Variants in GATAD1 observed in about 807,000 individuals in gnomAD.
The protein encoded by GATAD1 is GATA zinc finger domain containing 1, also known as GATA zinc finger domain-containing protein 1.
A neutral mutation model predicts 26.5 loss-of-function variants in GATAD1; 12 were observed. That is an observed-to-expected ratio of 0.45 (90% CI 0.29 to 0.73). The LOEUF (loss-of-function observed/expected upper bound fraction) is 0.73. Among genes scored for constraint, GATAD1 ranks in the 30% least tolerant of loss-of-function variants. The probability of loss-of-function intolerance (pLI) is 0.10; values close to 1 mark genes in which losing one functional copy is unlikely to be tolerated. For missense variants in GATAD1, 266 were observed against 342.1 expected, an observed-to-expected ratio of 0.78 and a Z score of 1.75; for synonymous variants, 129 against 133.1, an observed-to-expected ratio of 0.97 and a Z score of 0.21.
chr7:92,494,756 A>T, the GATAD1 span: 8 of 505,344 alleles, frequency 1.6e-5, no homozygotes, highest in South Asian at 3.4e-4. Flanking sequence ...TTTAATTTTT[A>T]CAACAAACCC....
At position 92,447,616 on chromosome 7, in the gene GATAD1, C is replaced by T; in HGVS notation, c.-114C>T. On this transcript the variant is annotated 5_prime_UTR_variant, in exon 1 of 5. It adds an upstream start codon to the 5' untranslated region. Transcript: ENST00000287957. ...CCTTTCACCGGCAGCTCCGTGCCGA[C>T]GCTCTCACCGCTCTTCCTATCGCCG... 1.6e-6 allele frequency: 2 copies of T among 1,285,852 alleles called. No individual in the cohort carries two copies. Among genetic ancestry groups the T allele is most frequent in the East Asian group, 3.3e-5 (1 of 30,026 alleles). 79.7% of individuals were successfully genotyped at this position (1,285,852 alleles called of 1,614,324 possible).
chr7:92,464,070 G>T (rs1790019917), downstream of GATAD1, among the ~76,000 whole-genome samples: 1 of 152,206 alleles, frequency 6.6e-6, no homozygotes, highest in South Asian at 2.1e-4. Flanking sequence ...ATAACCAGTT[G>T]TAAATAGAGA....
chr7:92,467,742 A>G, the GATAD1 span, among the ~76,000 whole-genome samples: 12 of 152,220 alleles, frequency 7.9e-5, no homozygotes, highest in Non-Finnish European at 1.3e-4. Context: ...GAAGACTTTG[A>G]AAAGTATTAA....
chr7:92,467,760 A>G, the GATAD1 span, among the ~76,000 whole-genome samples: 2 of 152,228 alleles, frequency 1.3e-5, no homozygotes, highest in African/African-American at 4.8e-5. Flanking sequence ...TAATAGGATG[A>G]TGTCATCTGG....
chr7:92,454,463 T>G, intron 3 of GATAD1, 39 bp from the exon 4 acceptor site: 1 of 1,494,454 alleles, frequency 6.7e-7, no homozygotes, highest in Non-Finnish European at 9.3e-7. Flanking sequence ...GATGTTCTAT[T>G]TTTATTTTCA....
At chr7:92,484,015 C>G in the GATAD1 span, among the ~76,000 whole-genome samples, 5 of 152,210 alleles carry the variant, frequency 3.3e-5, no homozygotes, top group South Asian at 1.0e-3. Flanking sequence ...GGAGCAGAGA[C>G]TAGGGAGGGA....
At chr7:92,449,623 A>G (rs954734031) in intron 2 of GATAD1, 24 of 981,530 alleles carry the variant, frequency 2.4e-5, no homozygotes, top group Admixed American at 1.2e-4. Context: ...ATTTATTTCT[A>G]AAACACAAAG....
the GATAD1 span, chr7:92,490,015 T>C: frequency 1.6e-5 from 14 of 887,000 alleles, no homozygotes; most frequent in Non-Finnish European, 2.4e-5. Context: ...AATAAAACAT[T>C]AACATAGATA....
chr7:92,491,562 A>C, the GATAD1 span: 1 of 984,710 alleles, frequency 1.0e-6, no homozygotes. Flanking sequence ...CTCAGAAATA[A>C]ATAATAACAT....
the GATAD1 span, among the ~76,000 whole-genome samples, chr7:92,484,400 C>G: frequency 1.5e-4 from 23 of 152,076 alleles, no homozygotes; most frequent in African/African-American, 4.6e-4. Flanking sequence ...GACGTACCAC[C>G]AAGGGAATGT....
the GATAD1 span, among the ~76,000 whole-genome samples, chr7:92,481,473 T>A: frequency 2.0e-5 from 3 of 152,154 alleles, no homozygotes; most frequent in African/African-American, 7.2e-5. Flanking sequence ...TCTAAAAGTA[T>A]TAGGGCAGCG....
chr7:92,489,745 A>G, the GATAD1 span: 1 of 1,614,194 alleles, frequency 6.2e-7, no homozygotes, highest in Middle Eastern at 1.6e-4. Flanking sequence ...GCCTTTGATA[A>G]TACTGATATC....
the GATAD1 span, among the ~76,000 whole-genome samples, chr7:92,486,151 T>C: frequency 5.9e-5 from 9 of 152,188 alleles, no homozygotes; most frequent in Admixed American, 3.3e-4. Context: ...CCCAGCTATA[T>C]TGACAGCCTA....
the GATAD1 span, among the ~76,000 whole-genome samples, chr7:92,467,162 C>CA: frequency 4.0e-5 from 6 of 151,794 alleles, no homozygotes; most frequent in Admixed American, 1.3e-4. Flanking sequence ...ACTAAAAATA[C>CA]AAAAAAATTA....
Position 92,456,683 on chromosome 7 carries a change from CA to C in GATAD1, c.*128del. On this transcript the variant is annotated 3_prime_UTR_variant, in exon 5 of 5. Transcript: ENST00000287957. ...TCAGATTCTCTTTCTTAAAAAACCA[CA>C]AAAAAACTGGATTTCCAGTTCTCTA... 1 of 584,156 alleles carries C rather than the reference CA, an allele frequency of 1.7e-6. No individual in the cohort carries two copies. Among genetic ancestry groups the C allele is most frequent in the Non-Finnish European group, 3.0e-6 (1 of 334,702 alleles). The allele number at this position is 584,156 out of a possible 1,614,324, so 36.2% of individuals were successfully genotyped here. A position where few individuals can be genotyped will look rare whatever the true frequency, so the allele number is the denominator to read the frequency against.
chr7:92,491,520 A>G, the GATAD1 span: 16 of 1,453,758 alleles, frequency 1.1e-5, no homozygotes, highest in Non-Finnish European at 1.5e-5. Context: ...ACACAAAAGG[A>G]CAACCAGTTT....
At chr7:92,448,923 G>T (rs2115845241) in intron 2 of GATAD1, 46 bp downstream of exon 2, 2 of 1,574,520 alleles carry the variant, frequency 1.3e-6, no homozygotes, top group Middle Eastern at 1.7e-4. Flanking sequence ...GACGTTGTGT[G>T]TATCCTGCCA....
chr7:92,463,673 A>AGGTT, downstream of GATAD1, among the ~76,000 whole-genome samples: 1 of 149,480 alleles, frequency 6.7e-6, no homozygotes, highest in East Asian at 2.0e-4. Flanking sequence ...AAAAAAAAAA[A>AGGTT]AAAAAAGGTT....
At chr7:92,464,387 A>G (rs1035933666), downstream of GATAD1, among the ~76,000 whole-genome samples, 2 of 152,178 alleles carry the variant, frequency 1.3e-5, no homozygotes, top group Admixed American at 6.5e-5. Context: ...TCTGTCTCCT[A>G]ATTTAATGCT....
Sources: gnomAD v4.1 joint callset for allele counts (sites outside exome capture counted in the v4.1 genomes callset) on GRCh38, gnomAD v4.1.1 for gene constraint, MANE v1.5 for transcripts, NCBI Gene and HGNC (gene_info 2026-07-23, HGNC 2026-07-21) for gene names.